The following EFR3B variants were observed in gnomAD, a reference collection of about 807,000 sequenced individuals.
EFR3B encodes protein EFR3 homolog B.
EFR3B carries 64 observed loss-of-function variants against 104.7 expected under a neutral mutation model. The observed-to-expected ratio is 0.61, with a 90% confidence interval of 0.50 to 0.75. The LOEUF (loss-of-function observed/expected upper bound fraction) is 0.75. EFR3B is among the 30% of genes least tolerant of loss of function. The probability of loss-of-function intolerance (pLI) is 0.00; values close to 1 mark genes in which losing one functional copy is unlikely to be tolerated. For synonymous variants in EFR3B, 385 were observed against 417.9 expected (o/e 0.92, Z 0.96); for missense variants, 750 against 1,078.5 (o/e 0.70, Z 4.27).
intron 17 of EFR3B, among the ~76,000 whole-genome samples, chr2:25,142,176 C>T (rs1214216043): frequency 6.6e-6 from 1 of 151,596 alleles, no homozygotes; most frequent in Non-Finnish European, 1.5e-5. Context: ...GGCACAGTGA[C>T]TCACGCCTGT....
intron 4 of EFR3B, among the ~76,000 whole-genome samples, chr2:25,119,441 G>A (rs559866930): frequency 9.1e-4 from 138 of 152,338 alleles, no homozygotes; most frequent in African/African-American, 3.0e-3. Context: ...TCAGCCAAAC[G>A]TGGCTTCAGC....
In EFR3B at chr2:25,130,063, C is replaced by T. The variant is rs1171797928; in HGVS notation, c.724C>T (p.Arg242Trp). The change falls in exon 7 of 23, where the codon CGG (arginine) becomes TGG (tryptophan). Residue 242 changes from arginine to tryptophan, a missense_variant. Transcript: ENST00000403714. This position sits in a 1 kb window ranked among gnomAD's most constrained non-coding sequence, Gnocchi z 4.6. Reference protein sequence around the residue: ...AERCLRELLGRAAFGNIKNAI... With the variant: ...AERCLRELLGWAAFGNIKNAI... ...GAGGTGTCTTCGGGAGCTGCTGGGC[C>T]GGGCTGCCTTTGGCAACATCAAAAA... is the stretch of plus-strand genomic sequence containing the variant. The T allele has an allele frequency of 5.8e-6, 9 of 1,551,634 alleles. No individual in the cohort carries two copies. The highest frequency in any genetic ancestry group is 2.0e-5 in the Admixed American group (1 of 50,980).
intron 1 of EFR3B, among the ~76,000 whole-genome samples, chr2:25,048,615 G>A (rs1382973359): frequency 6.6e-6 from 1 of 152,008 alleles, no homozygotes; most frequent in African/African-American, 2.4e-5. Context: ...CCCAGGTGCC[G>A]AGGGCACGAG....
At chr2:25,087,394 T>C (rs904636231) in intron 1 of EFR3B, among the ~76,000 whole-genome samples, 14 of 151,032 alleles carry the variant, frequency 9.3e-5, no homozygotes, top group Non-Finnish European at 1.2e-4. Context: ...CACACACACA[T>C]ATATTCTTTA....
intron 4 of EFR3B, among the ~76,000 whole-genome samples, 158 bp downstream of exon 4, chr2:25,103,945 G>A (rs1669496050): frequency 1.3e-5 from 2 of 151,898 alleles, no homozygotes; most frequent in African/African-American, 2.4e-5. Flanking sequence ...CCCTTTGTGT[G>A]AACAAAGGGC....
chr2:25,115,810 G>A (rs1205928880), intron 4 of EFR3B, among the ~76,000 whole-genome samples: 1 of 152,246 alleles, frequency 6.6e-6, no homozygotes, highest in Non-Finnish European at 1.5e-5. Flanking sequence ...AGCAGTGAGT[G>A]CCACAGAAAT....
intron 3 of EFR3B, among the ~76,000 whole-genome samples, chr2:25,097,053 T>C (rs942652307): frequency 6.6e-6 from 1 of 152,208 alleles, no homozygotes; most frequent in Non-Finnish European, 1.5e-5. Context: ...CTAAAACTAA[T>C]ATGCTAGCTC....
intron 1 of EFR3B, chr2:25,080,393 C>G: frequency 1.9e-6 from 1 of 515,278 alleles, no homozygotes; most frequent in East Asian, 3.4e-5. Context: ...CTCCCATGTT[C>G]GAGCGATTCT....
intron 19 of EFR3B, 63 bp from the exon 20 acceptor site, chr2:25,149,631 G>A: frequency 6.7e-7 from 1 of 1,502,474 alleles, no homozygotes; most frequent in Non-Finnish European, 9.1e-7. Flanking sequence ...AGCTGGGGGT[G>A]CCAGGGCTGC....
Position 25,130,161 on chromosome 2 carries a change from T to C in EFR3B, c.770+52T>C. 6.5e-7 allele frequency: 1 copy of C among 1,548,912 alleles called. No individual in the cohort carries two copies. The highest frequency in any genetic ancestry group is 8.7e-7 in the Non-Finnish European group (1 of 1,144,786). On this transcript the variant is annotated intron_variant, in intron 7 of 22. Transcript: ENST00000403714. This position sits in a 1 kb window ranked among gnomAD's most constrained non-coding sequence, Gnocchi z 4.6. Reference sequence around the variant, plus strand: ...CCCCAGCCTTCAGCCTGGATGTGTTTCAGGTCCCTGGCATCTCCTGGCTGG... The same window carrying C: ...CCCCAGCCTTCAGCCTGGATGTGTTCCAGGTCCCTGGCATCTCCTGGCTGG...
Position 25,051,639 on chromosome 2 carries a change from T to G in EFR3B, c.7+9320T>G, listed in dbSNP as rs4665762. On this transcript the variant is annotated intron_variant, in intron 1 of 22. Coordinates refer to ENST00000403714, the MANE Select transcript of EFR3B (RefSeq NM_014971.2). ...ATTTCTCTTTTGTGTGTGTGTGTGT[T>G]TTTTTTTTTTTTTTCAGACACAGCC... Among the ~76,000 whole-genome samples the G allele has an allele frequency of 3.4e-3, 188 of 55,834 alleles. 2 individuals are homozygous for G. Among genetic ancestry groups the G allele is most frequent in the Admixed American group, 0.021 (64 of 3,110 alleles). 36.6% of individuals were successfully genotyped at this position (55,834 alleles called of 152,430 possible). A position where few individuals can be genotyped will look rare whatever the true frequency, so the allele number is the denominator to read the frequency against.
chr2:25,075,287 T>C (rs1298422548), intron 1 of EFR3B, among the ~76,000 whole-genome samples: 1 of 152,238 alleles, frequency 6.6e-6, no homozygotes, highest in African/African-American at 2.4e-5. Context: ...TGTGTGATCG[T>C]AGGCAAATTA....
intron 1 of EFR3B, chr2:25,080,021 C>G (rs1328479965): frequency 1.1e-6 from 1 of 909,858 alleles, no homozygotes; most frequent in East Asian, 2.4e-5. Context: ...GAATTTTAAG[C>G]CCACTGTCTG....
chr2:25,048,423 G>A (rs1392031939), intron 1 of EFR3B, among the ~76,000 whole-genome samples: 2 of 152,130 alleles, frequency 1.3e-5, no homozygotes, highest in Non-Finnish European at 2.9e-5. Context: ...ACATAACGGT[G>A]CACTGAAAGG....
At position 25,042,227 on chromosome 2, in the gene EFR3B, C is replaced by A; in HGVS notation, c.-86C>A. On this transcript the variant is annotated 5_prime_UTR_variant, in exon 1 of 23. In the 5' UTR this introduces an upstream ATG that the reference lacks. Transcript: ENST00000403714. The surrounding 1 kb of genome is among the most constrained non-coding windows in gnomAD (Gnocchi z 5.4). ...CGGCCGCCGCCAGTCCCCGCCCCGA[C>A]TGTGAATGAAAGGCGGGCGCCGCCG... is the stretch of plus-strand genomic sequence containing the variant. 7.9e-7 allele frequency: 1 copy of A among 1,270,464 alleles called. No homozygotes were observed. Among genetic ancestry groups the A allele is most frequent in the South Asian group, 2.3e-5 (1 of 43,218 alleles). 78.7% of individuals were successfully genotyped at this position (1,270,464 alleles called of 1,614,324 possible).
intron 12 of EFR3B, 61 bp downstream of exon 12, chr2:25,133,495 A>G (rs572184228): frequency 2.0e-6 from 3 of 1,524,878 alleles, no homozygotes; most frequent in Admixed American, 3.9e-5. Context: ...CTTCCAAGGG[A>G]CCAAGTGAAG....
At chr2:25,098,829 CA>C (rs1330895449) in intron 3 of EFR3B, among the ~76,000 whole-genome samples, 3 of 127,956 alleles carry the variant, frequency 2.3e-5, no homozygotes, top group African/African-American at 9.1e-5. Flanking sequence ...GGTAAGTAGC[CA>C]ATTTTTTTTT....
intron 19 of EFR3B, among the ~76,000 whole-genome samples, chr2:25,148,630 A>C (rs941506291): frequency 6.6e-6 from 1 of 151,712 alleles, no homozygotes; most frequent in African/African-American, 2.4e-5. Flanking sequence ...ATACTTTAAG[A>C]CTTCAGAACT....
At chr2:25,045,528 T>G (rs558261991) in intron 1 of EFR3B, among the ~76,000 whole-genome samples, 1 of 152,374 alleles carries the variant, frequency 6.6e-6, no homozygotes, top group South Asian at 2.1e-4. Flanking sequence ...ACGCCTGTTA[T>G]CCCAGCACTT....
Sources: gnomAD v4.1 joint callset for allele counts (sites outside exome capture counted in the v4.1 genomes callset) on GRCh38, gnomAD v4.1.1 for gene constraint, Gnocchi (gnomAD v3.1) non-coding constraint, MANE v1.5 for transcripts, NCBI Gene and HGNC (gene_info 2026-07-23, HGNC 2026-07-21) for gene names.